Variants in RBFOX1 observed in about 807,000 individuals in gnomAD.
The protein encoded by RBFOX1 is RNA binding protein fox-1 homolog 1.
RBFOX1 carries 8 observed loss-of-function variants against 57.7 expected under a neutral mutation model. That is an observed-to-expected ratio of 0.14 (90% confidence interval 0.08 to 0.25). The LOEUF is 0.25. RBFOX1 is among the 10% of genes least tolerant of loss of function. RBFOX1 has a pLI of 1.00. For missense variants in RBFOX1, 611 were observed against 548.5 expected (o/e 1.11, Z -1.14); for synonymous variants, 326 against 222.4 (o/e 1.47, Z -4.15).
At chr16:6,899,872 G>C (rs963392562) in intron 3 of RBFOX1, among the ~76,000 whole-genome samples, 1 of 152,186 alleles carries the variant, frequency 6.6e-6, no homozygotes, top group South Asian at 2.1e-4. Context: ...GCCATGTCCA[G>C]GTGTGAAGTT....
At chr16:5,939,062 G>A (rs1252206385) in intron 4 of RBFOX1, among the ~76,000 whole-genome samples, 19 of 151,868 alleles carry the variant, frequency 1.3e-4, no homozygotes, top group Admixed American at 1.2e-3. Flanking sequence ...TGGACACAGG[G>A]CAGGGAACAT....
intron 2 of RBFOX1, among the ~76,000 whole-genome samples, chr16:5,540,820 C>G (rs926479972): frequency 2.0e-5 from 3 of 152,134 alleles, no homozygotes; most frequent in Non-Finnish European, 4.4e-5. Context: ...CCCAATTGCG[C>G]TGAATCTAAA....
chr16:5,785,437 C>T (rs11076969), intron 3 of RBFOX1, among the ~76,000 whole-genome samples: 49,683 of 152,028 alleles, frequency 0.33, 8,488 homozygotes, highest in East Asian at 0.55. Context: ...CCATCCTTGA[C>T]GATCCTTCCA....
chr16:5,282,124 G>C (rs554427039), intron 1 of RBFOX1, among the ~76,000 whole-genome samples: 1 of 152,272 alleles, frequency 6.6e-6, no homozygotes, highest in South Asian at 2.1e-4. Flanking sequence ...TCAGTCTCAT[G>C]AGATCTGAGA....
chr16:6,887,870 C>A (rs188223271), intron 3 of RBFOX1, among the ~76,000 whole-genome samples: 1 of 152,064 alleles, frequency 6.6e-6, no homozygotes, highest in Non-Finnish European at 1.5e-5. Context: ...CCATGTTGGC[C>A]AGGCTGGTCT....
At chr16:6,069,189 G>C (rs1023592987) in intron 1 of RBFOX1, among the ~76,000 whole-genome samples, 1 of 151,772 alleles carries the variant, frequency 6.6e-6, no homozygotes, top group African/African-American at 2.4e-5. Context: ...ACCTGAGGTC[G>C]GGAGTTGGAG....
chr16:6,616,035 C>T (rs1419492142), intron 2 of RBFOX1, among the ~76,000 whole-genome samples: 2 of 152,194 alleles, frequency 1.3e-5, no homozygotes, highest in East Asian at 1.9e-4. Flanking sequence ...CCCAGTTTTG[C>T]GTTTAGGAAA....
At chr16:6,010,170 G>T (rs1351168952) in intron 4 of RBFOX1, among the ~76,000 whole-genome samples, 1 of 152,074 alleles carries the variant, frequency 6.6e-6, no homozygotes, top group Non-Finnish European at 1.5e-5. Flanking sequence ...ATGCATGCAG[G>T]CTGGACTTCC....
At chr16:6,440,799 T>C (rs1193011467) in intron 2 of RBFOX1, among the ~76,000 whole-genome samples, 3 of 105,600 alleles carry the variant, frequency 2.8e-5, no homozygotes, top group Admixed American at 2.7e-4. Context: ...AGACACCATC[T>C]GGAAAAAAAA....
chr16:5,390,072 A>G lies in RBFOX1; in HGVS notation c.220-77144A>G, dbSNP rs1246093958. 3.3e-5 allele frequency among the ~76,000 whole-genome samples: 5 copies of G among 152,226 alleles called. No individual in the cohort carries two copies. The South Asian group carries it at 6.2e-4, about 19-fold the overall frequency. ...GCTTAAAAACTTTTATTGAAGTATG[A>G]CATGCCTACAGAAGAAATGCACAGA... On this transcript the variant is annotated intron_variant, in intron 1 of 2. Transcript: ENST00000585867.
intron 3 of RBFOX1, among the ~76,000 whole-genome samples, chr16:6,701,379 C>G (rs1278337240): frequency 6.6e-6 from 1 of 152,198 alleles, no homozygotes; most frequent in Admixed American, 6.5e-5. Context: ...ATCTTACTGA[C>G]TCCACAAAGT....
At chr16:6,977,978 G>T (rs1464672129) in intron 3 of RBFOX1, among the ~76,000 whole-genome samples, 2 of 141,652 alleles carry the variant, frequency 1.4e-5, no homozygotes, top group African/African-American at 2.7e-5. Context: ...CAATGTGGCT[G>T]AATGTGTCTT....
At chr16:5,295,484 G>T (rs2063643993) in intron 1 of RBFOX1, among the ~76,000 whole-genome samples, 1 of 152,138 alleles carries the variant, frequency 6.6e-6, no homozygotes, top group South Asian at 2.1e-4. Context: ...TGTCAGCCAG[G>T]GCTCGGTTCT....
chr16:6,831,532 C>G (rs1031733213), intron 3 of RBFOX1, among the ~76,000 whole-genome samples: 3 of 152,122 alleles, frequency 2.0e-5, no homozygotes, highest in African/African-American at 4.8e-5. Flanking sequence ...AGAGATTTCA[C>G]CTCTGAACAT....
At chr16:5,913,493 C>T (rs2058646617) in intron 4 of RBFOX1, among the ~76,000 whole-genome samples, 1 of 152,160 alleles carries the variant, frequency 6.6e-6, no homozygotes, top group Admixed American at 6.5e-5. Flanking sequence ...CTCTTGCTTC[C>T]TCTTCCTTGC....
intron 4 of RBFOX1, among the ~76,000 whole-genome samples, chr16:7,174,045 C>T (rs936511113): frequency 2.0e-5 from 3 of 152,180 alleles, no homozygotes; most frequent in African/African-American, 4.8e-5. Context: ...ATTTATTGAG[C>T]ATCTGCTTTG....
chr16:6,829,804 G>A (rs1052337509), intron 3 of RBFOX1, among the ~76,000 whole-genome samples: 2 of 152,164 alleles, frequency 1.3e-5, no homozygotes, highest in Non-Finnish European at 1.5e-5. Context: ...ATTTCGCCAC[G>A]TTGGCCAGGC....
intron 4 of RBFOX1, among the ~76,000 whole-genome samples, chr16:7,060,092 G>A (rs2153745396): frequency 6.6e-6 from 1 of 152,196 alleles, no homozygotes; most frequent in South Asian, 2.1e-4. Context: ...ACCCAGAATT[G>A]ATACCATAGA....
intron 3 of RBFOX1, among the ~76,000 whole-genome samples, chr16:6,808,026 C>T (rs548690518): frequency 1.3e-5 from 2 of 148,866 alleles, no homozygotes; most frequent in African/African-American, 2.5e-5. Flanking sequence ...GCAAATTATA[C>T]CTTGTGTATA....
Sources: allele counts gnomAD v4.1 joint callset (sites outside exome capture counted in the v4.1 genomes callset), GRCh38; gene constraint gnomAD v4.1.1; transcripts MANE v1.5; gene names NCBI Gene and HGNC (gene_info 2026-07-23, HGNC 2026-07-21).